Variants in SH3RF1 observed in about 807,000 individuals in gnomAD.
The protein encoded by SH3RF1 is E3 ubiquitin-protein ligase SH3RF1.
In SH3RF1, 32 loss-of-function variants were observed where a neutral mutation model predicts 74.0. That is an observed-to-expected ratio of 0.43 (90% CI 0.33 to 0.58). The LOEUF (loss-of-function observed/expected upper bound fraction) is 0.58, where lower values mean the gene tolerates loss of function less well. Ranked by LOEUF, SH3RF1 falls within the 20% of genes least tolerant of loss-of-function variation. SH3RF1 has a pLI of 0.05. For synonymous variants in SH3RF1, 396 were observed against 439.6 expected (o/e 0.90, Z 1.24); for missense variants, 954 against 1,130.9 (o/e 0.84, Z 2.24).
At chr4:169,118,992 T>C (rs986271592) in intron 8 of SH3RF1, among the ~76,000 whole-genome samples, 2 of 152,216 alleles carry the variant, frequency 1.3e-5, no homozygotes, top group Non-Finnish European at 2.9e-5. Flanking sequence ...CAATTCTGTA[T>C]ATAGTAACTT....
rs929539449 is a variant in SH3RF1 at position 169,269,355 on chromosome 4, C to G, written c.-95-48G>C. 16 of 803,688 alleles carry G rather than the reference C, an allele frequency of 2.0e-5. No individual in the cohort carries two copies. The African/African-American group carries it at 3.6e-4, about 18-fold the overall frequency. The allele number at this position is 803,688 out of a possible 1,614,324, so 49.8% of individuals were successfully genotyped here. A position where few individuals can be genotyped will look rare whatever the true frequency, so the allele number is the denominator to read the frequency against. ...GAAAAGAGAACATGAGTGTTGTTAT[C>G]TAGGGAAAAAGTTCAAAGGAGCCAA... is the stretch of plus-strand genomic sequence containing the variant. On this transcript the variant is annotated intron_variant, in intron 1 of 11. Coordinates refer to ENST00000284637, the MANE Select transcript of SH3RF1 (RefSeq NM_020870.4).
chr4:169,231,517 G>C lies in SH3RF1; in HGVS notation c.393+37303C>G, dbSNP rs558738479. Among the ~76,000 whole-genome samples, 6 of 152,126 alleles carry C rather than the reference G, an allele frequency of 3.9e-5. No homozygotes were observed. In the East Asian group the frequency reaches 1.2e-3, roughly 29 times the overall value. On this transcript the variant is annotated intron_variant, in intron 2 of 11. Transcript: ENST00000284637. ...GGAGGCAGAGGTTGCAGTGAGCCGA[G>C]ATTGCACCACTGCTCTCCTGTCTGG...
intron 4 of SH3RF1, among the ~76,000 whole-genome samples, chr4:169,141,191 A>C (rs1733779604): frequency 6.6e-6 from 1 of 152,132 alleles, no homozygotes; most frequent in East Asian, 1.9e-4. Flanking sequence ...ATGGATTTCC[A>C]TTTAACAATT....
rs115447922 is a variant in SH3RF1 at position 169,158,167 on chromosome 4, C to T, written c.394-1488G>A. On this transcript the variant is annotated intron_variant, in intron 2 of 11. Coordinates refer to ENST00000284637, the MANE Select transcript of SH3RF1 (RefSeq NM_020870.4). ...TAATAAATGTAATGATAAAGATATG[C>T]ACACCATTTATGGGGACAAAAAACA... 5.2e-3 allele frequency among the ~76,000 whole-genome samples: 787 copies of T among 152,274 alleles called. 6 individuals are homozygous for T. Among genetic ancestry groups the T allele is most frequent in the African/African-American group, 0.017 (722 of 41,560 alleles).
intron 2 of SH3RF1, chr4:169,220,164 G>A (rs956835840): frequency 6.6e-6 from 1 of 152,152 alleles, no homozygotes; most frequent in African/African-American, 2.4e-5. Flanking sequence ...CTAATGCAAG[G>A]AATAGTTTTG....
At chr4:169,145,909 ATAT>A (rs1314299059) in intron 4 of SH3RF1, among the ~76,000 whole-genome samples, 3 of 135,736 alleles carry the variant, frequency 2.2e-5, no homozygotes, top group East Asian at 2.0e-4. Context: ...CATATTCTAT[ATAT>A]TATTCTATAT....
chr4:169,209,858 C>T lies in SH3RF1; in HGVS notation c.394-53179G>A, dbSNP rs144931015. Among the ~76,000 whole-genome samples, 231 of 152,212 alleles carry T rather than the reference C, an allele frequency of 1.5e-3. 1 individual carries two copies. In the South Asian group the frequency reaches 0.018, roughly 12 times the overall value. ...AGGCTGGAGTGCAATGACACAATCACGGCTCACTGCAGCCTTGACCTCTCA... is the reference window on the plus strand; with the variant it reads ...AGGCTGGAGTGCAATGACACAATCATGGCTCACTGCAGCCTTGACCTCTCA... On this transcript the variant is annotated intron_variant, in intron 2 of 11. Transcript: ENST00000284637.
chr4:169,146,870 A>C (rs1471807016), intron 4 of SH3RF1, among the ~76,000 whole-genome samples: 1 of 152,182 alleles, frequency 6.6e-6, no homozygotes, highest in Non-Finnish European at 1.5e-5. Context: ...AAAACAGTAA[A>C]GATATAATAG....
chr4:169,212,589 A>C (rs2126996941), intron 2 of SH3RF1, among the ~76,000 whole-genome samples: 1 of 152,276 alleles, frequency 6.6e-6, no homozygotes, highest in Admixed American at 6.5e-5. Flanking sequence ...CTGAGCAGGA[A>C]GTACAGAGAG....
intron 4 of SH3RF1, among the ~76,000 whole-genome samples, chr4:169,140,724 C>A (rs1177664595): frequency 6.6e-6 from 1 of 152,030 alleles, no homozygotes; most frequent in Non-Finnish European, 1.5e-5. Context: ...GCGGGACTTA[C>A]AATATTTTAA....
chr4:169,218,416 AATAT>A (rs1322382276), intron 2 of SH3RF1, among the ~76,000 whole-genome samples: 5 of 143,806 alleles, frequency 3.5e-5, no homozygotes, highest in African/African-American at 1.3e-4. Context: ...ATAGAATATA[AATAT>A]ATATTATAGA....
At chr4:169,244,762 C>T (rs1385939409) in intron 2 of SH3RF1, among the ~76,000 whole-genome samples, 1 of 152,196 alleles carries the variant, frequency 6.6e-6, no homozygotes, top group Non-Finnish European at 1.5e-5. Flanking sequence ...CAGTGCTGCA[C>T]TTTTCTAAAC....
In SH3RF1 at chr4:169,173,435, TA is replaced by T. The variant is rs879590899; in HGVS notation, c.394-16757del. On this transcript the variant is annotated intron_variant, in intron 2 of 11. Coordinates refer to ENST00000284637, the MANE Select transcript of SH3RF1 (RefSeq NM_020870.4). ...TGCTGTGCTAAGTTTTTTCTGGGAT[TA>T]AAAAAAAAAAAGTAGCAAAAGAACA... Among the ~76,000 whole-genome samples the T allele has an allele frequency of 5.9e-3, 860 of 145,224 alleles. 5 individuals carry two copies. Among genetic ancestry groups the T allele is most frequent in the South Asian group, 8.9e-3 (41 of 4,582 alleles).
intron 11 of SH3RF1, among the ~76,000 whole-genome samples, chr4:169,101,598 A>T (rs1327584279): frequency 1.3e-5 from 2 of 152,042 alleles, no homozygotes; most frequent in African/African-American, 4.8e-5. Flanking sequence ...AAAAATAGTA[A>T]ATTTTCATGT....
intron 2 of SH3RF1, among the ~76,000 whole-genome samples, chr4:169,175,711 A>G (rs1393947995): frequency 6.6e-6 from 1 of 152,036 alleles, no homozygotes; most frequent in Non-Finnish European, 1.5e-5. Context: ...AAACCACTAG[A>G]CCATAAGCTC....
chr4:169,115,210 T>G (rs1733310766), intron 10 of SH3RF1, among the ~76,000 whole-genome samples: 1 of 152,164 alleles, frequency 6.6e-6, no homozygotes, highest in East Asian at 1.9e-4. Flanking sequence ...TCCTTATATT[T>G]CAAGTCTTAC....
intron 2 of SH3RF1, among the ~76,000 whole-genome samples, chr4:169,214,818 G>T (rs544811801): frequency 6.6e-4 from 101 of 152,138 alleles, no homozygotes; most frequent in African/African-American, 2.4e-3. Flanking sequence ...CTTCAACCTT[G>T]CTAATTGACT....
intron 2 of SH3RF1, among the ~76,000 whole-genome samples, chr4:169,212,048 T>C (rs1730383870): frequency 6.9e-6 from 1 of 145,846 alleles, no homozygotes; most frequent in Non-Finnish European, 1.5e-5. Flanking sequence ...TTTTTTTTTC[T>C]TTTCTTTTCT....
intron 2 of SH3RF1, among the ~76,000 whole-genome samples, chr4:169,211,693 C>T (rs910706255): frequency 1.3e-5 from 2 of 152,060 alleles, no homozygotes; most frequent in Admixed American, 6.5e-5. Flanking sequence ...GTGTTATGAA[C>T]AATTAAAGCC....
Sources: gnomAD v4.1 joint callset for allele counts (sites outside exome capture counted in the v4.1 genomes callset) on GRCh38, gnomAD v4.1.1 for gene constraint, MANE v1.5 for transcripts, NCBI Gene and HGNC (gene_info 2026-07-23, HGNC 2026-07-21) for gene names.